Variants in SAE1 observed in about 807,000 individuals in gnomAD.
The protein encoded by SAE1 is SUMO-activating enzyme subunit 1.
In SAE1, 11 loss-of-function variants were observed where a neutral mutation model predicts 40.6. The ratio of observed to expected loss-of-function variants is 0.27; its 90% confidence interval spans 0.17 to 0.45. SAE1 has a LOEUF of 0.45. SAE1 is among the 20% of genes least tolerant of loss of function. The pLI, the probability that SAE1 is intolerant of heterozygous loss-of-function variation, is 1.00. For synonymous variants in SAE1, 155 were observed against 154.3 expected (o/e 1.00, Z -0.03); for missense variants, 373 against 427.3 (o/e 0.87, Z 1.12).
At chr19:47,174,387 A>G (rs1158573890) in intron 6 of SAE1, among the ~76,000 whole-genome samples, 1 of 149,868 alleles carries the variant, frequency 6.7e-6, no homozygotes, top group Non-Finnish European at 1.5e-5. Flanking sequence ...TAATCATACA[A>G]TGTTTTATTT....
chr19:47,200,399 A>ATTTTTTTTTTTTT (rs35657499), intron 7 of SAE1, among the ~76,000 whole-genome samples: 3 of 102,562 alleles, frequency 2.9e-5, no homozygotes, highest in East Asian at 2.9e-4. Context: ...AGCCTGCCTA[A>ATTTTTTTTTTTTT]TTTTTTTTTT....
At chr19:47,139,178 C>T (rs948651008) in intron 1 of SAE1, among the ~76,000 whole-genome samples, 1 of 152,074 alleles carries the variant, frequency 6.6e-6, no homozygotes, top group Non-Finnish European at 1.5e-5. Flanking sequence ...TCTCGAACTC[C>T]TGACCTCAAG....
intron 6 of SAE1, among the ~76,000 whole-genome samples, chr19:47,194,669 A>ATGCC (rs1309867644): frequency 6.6e-6 from 1 of 151,636 alleles, no homozygotes; most frequent in African/African-American, 2.4e-5. Flanking sequence ...GGGAACAAGA[A>ATGCC]TGCCTGCCCG....
intron 6 of SAE1, among the ~76,000 whole-genome samples, chr19:47,195,429 A>G (rs1369704016): frequency 6.6e-6 from 1 of 152,198 alleles, no homozygotes; most frequent in African/African-American, 2.4e-5. Flanking sequence ...CTTACACAGT[A>G]GTTCTGACTC....
intron 5 of SAE1, among the ~76,000 whole-genome samples, chr19:47,162,705 A>G (rs1315150493): frequency 6.6e-6 from 1 of 152,178 alleles, no homozygotes; most frequent in Non-Finnish European, 1.5e-5. Flanking sequence ...AAGAAGTAAA[A>G]TAAGGCTGGG....
chr19:47,204,511 T>TCCCC (rs2058675480), intron 8 of SAE1, among the ~76,000 whole-genome samples: 1 of 122,630 alleles, frequency 8.2e-6, no homozygotes, highest in Non-Finnish European at 1.7e-5. Flanking sequence ...CCCCCCCCCT[T>TCCCC]TTTTTTTTTT....
rs368449287 is a variant in SAE1 at position 47,155,630 on chromosome 19, C to T, written c.627+417C>T. Reference sequence around the variant, plus strand: ...TTTTTTTTTGTATTTTTAGTAGAGACGGGGTTTCACCATGTTGGCCAGGCT... The same window carrying T: ...TTTTTTTTTGTATTTTTAGTAGAGATGGGGTTTCACCATGTTGGCCAGGCT... On this transcript the variant is annotated intron_variant, in intron 5 of 8. Transcript: ENST00000270225. Among the ~76,000 whole-genome samples, 21 of 151,962 alleles carry T rather than the reference C, an allele frequency of 1.4e-4. No homozygotes were observed. The South Asian group carries it at 3.1e-3, about 23-fold the overall frequency.
intron 6 of SAE1, among the ~76,000 whole-genome samples, chr19:47,185,956 G>C (rs746169891): frequency 2.0e-4 from 30 of 150,464 alleles, no homozygotes; most frequent in Non-Finnish European, 3.4e-4. Flanking sequence ...AATGCTTATT[G>C]GCCCCGGGCG....
chr19:47,197,067 G>C (rs2058620699), intron 6 of SAE1, among the ~76,000 whole-genome samples, 166 bp from the exon 7 acceptor site: 1 of 151,922 alleles, frequency 6.6e-6, no homozygotes. Flanking sequence ...TGTAGTCCTA[G>C]CTACTCAGGA....
At position 47,136,394 on chromosome 19, in the gene SAE1, C is replaced by T. The variant is rs114448664; in HGVS notation, c.98+5366C>T. 7.6e-3 allele frequency among the ~76,000 whole-genome samples: 1,158 copies of T among 152,044 alleles called. 10 individuals are homozygous for T. Among genetic ancestry groups the T allele is most frequent in the African/African-American group, 0.027 (1,099 of 41,456 alleles). ...TTCAGGTGATTGGCCCTCCTTGGCC[C>T]CCCAAAGTGTTGCAATTACAGGCGT... On this transcript the variant is annotated intron_variant, in intron 1 of 8. Coordinates refer to ENST00000270225, the MANE Select transcript of SAE1 (RefSeq NM_005500.3).
chr19:47,163,777 G>T (rs1485098056), intron 5 of SAE1, among the ~76,000 whole-genome samples: 4 of 152,074 alleles, frequency 2.6e-5, no homozygotes, highest in Admixed American at 1.3e-4. Flanking sequence ...TAGAGTATAT[G>T]CAAGTACTGT....
intron 6 of SAE1, among the ~76,000 whole-genome samples, chr19:47,172,334 G>A (rs2058439807): frequency 6.6e-6 from 1 of 152,196 alleles, no homozygotes; most frequent in South Asian, 2.1e-4. Context: ...CTTGATAGTG[G>A]GATCAGGTGT....
At chr19:47,156,548 A>G (rs2058326017) in intron 5 of SAE1, among the ~76,000 whole-genome samples, 1 of 151,450 alleles carries the variant, frequency 6.6e-6, no homozygotes, top group Non-Finnish European at 1.5e-5. Flanking sequence ...AAATCCTTCA[A>G]TGTTGTCTTG....
rs1464152659 is a variant in SAE1 at position 47,209,772 on chromosome 19, G to A, written c.*521G>A. The stretch of plus-strand genomic sequence containing the variant: ...CCAAGTTCAGACAGGTGCCCTTAGA[G>A]AGGAAAACCATGACAGGCAAATGCA... On this transcript the variant is annotated 3_prime_UTR_variant, in exon 9 of 9. Coordinates refer to ENST00000270225, the MANE Select transcript of SAE1 (RefSeq NM_005500.3). 1.3e-5 allele frequency: 2 copies of A among 154,410 alleles called. No individual in the cohort carries two copies. The highest frequency in any genetic ancestry group is 2.9e-5 in the Non-Finnish European group (2 of 69,586). 9.6% of individuals were successfully genotyped at this position (154,410 alleles called of 1,614,324 possible).
rs906019319 is a variant in SAE1, at chr19:47,167,267, T to C, written c.628-2551T>C. 2.7e-5 allele frequency among the ~76,000 whole-genome samples: 4 copies of C among 150,482 alleles called. No individual in the cohort carries two copies. In the Admixed American group the frequency reaches 2.7e-4, roughly 10 times the overall value. Reference sequence around the variant, plus strand: ...CCACACCCGGCCTGCGCCCAGATAATTTTTGTATTTTTTTTTTTTTTGAGA... The same window carrying C: ...CCACACCCGGCCTGCGCCCAGATAACTTTTGTATTTTTTTTTTTTTTGAGA... On this transcript the variant is annotated intron_variant, in intron 5 of 8. Coordinates refer to ENST00000270225, the MANE Select transcript of SAE1 (RefSeq NM_005500.3).
In SAE1 at chr19:47,164,207, C is replaced by T. The variant is rs550529763; in HGVS notation, c.628-5611C>T. ...TTTTTGAGACGAAGTCTCGATCTGT[C>T]GCCCAGGCTGGAGTGCAGTGGCGCA... On this transcript the variant is annotated intron_variant, in intron 5 of 8. Coordinates refer to ENST00000270225, the MANE Select transcript of SAE1 (RefSeq NM_005500.3). Among the ~76,000 whole-genome samples the T allele has an allele frequency of 3.5e-3, 531 of 151,788 alleles. 3 individuals are homozygous for T. Among genetic ancestry groups the T allele is most frequent in the African/African-American group, 7.2e-3 (299 of 41,366 alleles).
In SAE1 at chr19:47,204,236, C is replaced by T. The variant is rs536931725; in HGVS notation, c.948+496C>T. Among the ~76,000 whole-genome samples the T allele has an allele frequency of 1.5e-3, 194 of 133,568 alleles. 3 individuals carry two copies. The highest frequency in any genetic ancestry group is 5.3e-3 in the African/African-American group (190 of 35,628). The allele number at this position is 133,568 out of a possible 152,430, so 87.6% of individuals were successfully genotyped here. A position where few individuals can be genotyped will look rare whatever the true frequency, so the allele number is the denominator to read the frequency against. ...TTTTTGAGATGGAGTCTCGCTCTGT[C>T]CCCCAGGCTGGAGTGCAGTAGCACG... On this transcript the variant is annotated intron_variant, in intron 8 of 8. Coordinates refer to ENST00000270225, the MANE Select transcript of SAE1 (RefSeq NM_005500.3).
At chr19:47,196,971 A>C (rs1053762541) in intron 6 of SAE1, among the ~76,000 whole-genome samples, 1 of 152,006 alleles carries the variant, frequency 6.6e-6, no homozygotes, top group African/African-American at 2.4e-5. Flanking sequence ...TCACGAGGTC[A>C]GGAGTTTGAG....
At chr19:47,170,854 T>C (rs1405842683) in intron 6 of SAE1, among the ~76,000 whole-genome samples, 4 of 152,200 alleles carry the variant, frequency 2.6e-5, no homozygotes, top group African/African-American at 4.8e-5. Flanking sequence ...CTCACGCTTA[T>C]GAAAGGTGGG....
Sources: gnomAD v4.1 joint callset for allele counts (sites outside exome capture counted in the v4.1 genomes callset) on GRCh38, gnomAD v4.1.1 for gene constraint, MANE v1.5 for transcripts, NCBI Gene and HGNC (gene_info 2026-07-23, HGNC 2026-07-21) for gene names.